EYS: variants seen among roughly 807,000 people sequenced by gnomAD.
EYS encodes the protein protein eyes shut homolog.
EYS carries 250 observed loss-of-function variants against 282.1 expected under a neutral mutation model. The observed-to-expected ratio is 0.89, with a 90% CI of 0.80 to 0.98. The LOEUF (loss-of-function observed/expected upper bound fraction) is 0.98, where lower values mean the gene tolerates loss of function less well. Among genes scored for constraint, EYS ranks in the 50% least tolerant of loss-of-function variants. The pLI, the probability that EYS is intolerant of heterozygous loss-of-function variation, is 0.00. For synonymous variants in EYS, 1,355 were observed against 1,282.9 expected, an observed-to-expected ratio of 1.06 and a Z score of -1.20; for missense variants, 4,016 against 3,709.0, an observed-to-expected ratio of 1.08 and a Z score of -2.15.
At chr6:64,763,844 C>T (rs1773238790) in intron 22 of EYS, among the ~76,000 whole-genome samples, 2 of 152,048 alleles carry the variant, frequency 1.3e-5, no homozygotes, top group South Asian at 2.1e-4. Flanking sequence ...AACAAAGGAG[C>T]TACAGGCCCA....
chr6:65,141,930 G>T (rs1396724539), intron 12 of EYS, among the ~76,000 whole-genome samples: 1 of 151,934 alleles, frequency 6.6e-6, no homozygotes, highest in African/African-American at 2.4e-5. Flanking sequence ...AATTTTTGAG[G>T]AAGTTTGGTA....
At chr6:65,373,085 CA>C (rs1765224648) in intron 8 of EYS, among the ~76,000 whole-genome samples, 1 of 152,112 alleles carries the variant, frequency 6.6e-6, no homozygotes, top group South Asian at 2.1e-4. Flanking sequence ...CACATCTGCA[CA>C]AATACAAATT....
At chr6:65,299,186 A>C (rs1376177636) in intron 11 of EYS, among the ~76,000 whole-genome samples, 5 of 152,092 alleles carry the variant, frequency 3.3e-5, no homozygotes, top group African/African-American at 1.2e-4. Context: ...TGATTAAAAA[A>C]TCTGTCCTAT....
intron 31 of EYS, among the ~76,000 whole-genome samples, chr6:64,202,425 A>G (rs1216359612): frequency 1.3e-5 from 2 of 152,180 alleles, no homozygotes; most frequent in African/African-American, 4.8e-5. Flanking sequence ...TATTTTTTAG[A>G]AAAAAACGAA....
chr6:65,291,403 G>GT (rs369613677), intron 12 of EYS, among the ~76,000 whole-genome samples: 46 of 151,240 alleles, frequency 3.0e-4, no homozygotes, highest in African/African-American at 8.7e-4. Flanking sequence ...CCACTCACAT[G>GT]TTTTTTTTGA....
intron 29 of EYS, among the ~76,000 whole-genome samples, chr6:64,329,569 C>T (rs900561246): frequency 1.6e-4 from 25 of 151,968 alleles, no homozygotes; most frequent in East Asian, 5.8e-4. Context: ...GACAATCCCC[C>T]GGGGCTAGCC....
chr6:65,007,007 C>T (rs80036968), intron 13 of EYS, among the ~76,000 whole-genome samples: 10,554 of 152,190 alleles, frequency 0.069, 418 homozygotes, highest in African/African-American at 0.11. Context: ...GAAACCCAGC[C>T]CAGCTCTAGG....
At chr6:63,992,065 T>C (rs561749058) in intron 34 of EYS, among the ~76,000 whole-genome samples, 1 of 152,012 alleles carries the variant, frequency 6.6e-6, no homozygotes, top group Non-Finnish European at 1.5e-5. Context: ...AATTTAATCA[T>C]TACATGTTCC....
intron 37 of EYS, chr6:63,797,970 T>C (rs761350856): frequency 6.6e-6 from 1 of 152,172 alleles, no homozygotes; most frequent in Non-Finnish European, 1.5e-5. Context: ...AAGTGGCAAA[T>C]CTGTATCTCT....
chr6:65,288,005 A>G (rs1768417818), intron 12 of EYS, among the ~76,000 whole-genome samples: 1 of 151,214 alleles, frequency 6.6e-6, no homozygotes, highest in South Asian at 2.1e-4. Flanking sequence ...TTTCATCAAT[A>G]ATTTCATCAG....
At chr6:64,842,759 T>C (rs559650091) in intron 19 of EYS, among the ~76,000 whole-genome samples, 3 of 151,906 alleles carry the variant, frequency 2.0e-5, no homozygotes, top group Non-Finnish European at 4.4e-5. Context: ...ATTAAGAGTA[T>C]CTGATGGAAG....
chr6:63,878,315 G>A (rs907997260), intron 35 of EYS, among the ~76,000 whole-genome samples: 10 of 152,186 alleles, frequency 6.6e-5, no homozygotes, highest in African/African-American at 2.4e-4. Flanking sequence ...GGCAGATGTT[G>A]CTGCCTGATC....
intron 14 of EYS, among the ~76,000 whole-genome samples, chr6:64,958,269 T>C (rs1205460029): frequency 6.6e-6 from 1 of 151,542 alleles, no homozygotes; most frequent in Non-Finnish European, 1.5e-5. Context: ...CTAATCCTAG[T>C]TGTTCGGGAG....
At chr6:63,791,659 T>C (rs1770517298) in intron 37 of EYS, among the ~76,000 whole-genome samples, 1 of 151,246 alleles carries the variant, frequency 6.6e-6, no homozygotes, top group Non-Finnish European at 1.5e-5. Flanking sequence ...GAAAGGAAAC[T>C]GAAAAGGGAG....
At chr6:64,596,208 C>T (rs750814973) in intron 24 of EYS, among the ~76,000 whole-genome samples, 3 of 151,650 alleles carry the variant, frequency 2.0e-5, no homozygotes, top group African/African-American at 4.9e-5. Context: ...CCCCAGGCCA[C>T]ATCTCCAGCA....
At chr6:65,247,120 G>GTAAACTGGAGACAGGGGCAAATGAA (rs1767200169) in intron 12 of EYS, among the ~76,000 whole-genome samples, 1 of 152,058 alleles carries the variant, frequency 6.6e-6, no homozygotes, top group Non-Finnish European at 1.5e-5. Flanking sequence ...TAAGGCCTGA[G>GTAAACTGGAGACAGGGGCAAATGAA]TAAACTGGAG....
chr6:64,108,160 G>A (rs1421784103), intron 31 of EYS, among the ~76,000 whole-genome samples: 3 of 152,108 alleles, frequency 2.0e-5, no homozygotes, highest in Non-Finnish European at 2.9e-5. Flanking sequence ...GGGTTACTGA[G>A]GGGAAACTCA....
intron 42 of EYS, among the ~76,000 whole-genome samples, chr6:63,722,474 G>A (rs1466198156): frequency 3.9e-5 from 6 of 151,978 alleles, no homozygotes; most frequent in Non-Finnish European, 8.8e-5. Flanking sequence ...TTATATAGTC[G>A]TGTGAAGAAA....
At chr6:63,741,771 T>C (rs1444256381) in intron 41 of EYS, 15 of 569,576 alleles carry the variant, frequency 2.6e-5, no homozygotes, top group Non-Finnish European at 4.2e-5. Flanking sequence ...CCCCGTTCAA[T>C]CTGAATCAAA....
Sources: gnomAD v4.1 joint callset for allele counts (sites outside exome capture counted in the v4.1 genomes callset) on GRCh38, gnomAD v4.1.1 for gene constraint, MANE v1.5 for transcripts, NCBI Gene and HGNC (gene_info 2026-07-23, HGNC 2026-07-21) for gene names.